The following TMEM39B variants were observed in gnomAD, a reference collection of about 807,000 sequenced individuals.
TMEM39B encodes the protein transmembrane protein 39B.
In TMEM39B, 23 loss-of-function variants were observed where a neutral mutation model predicts 52.2. That is an observed-to-expected ratio of 0.44 (90% CI 0.32 to 0.62). The LOEUF is 0.62. TMEM39B is among the 20% of genes least tolerant of loss of function. The pLI is 0.06. For missense variants in TMEM39B, 547 were observed against 642.0 expected, an observed-to-expected ratio of 0.85 and a Z score of 1.60; for synonymous variants, 285 against 264.0, an observed-to-expected ratio of 1.08 and a Z score of -0.77.
Position 32,073,043 on chromosome 1 carries a change from A to G in TMEM39B, c.-5A>G, listed in dbSNP as rs1441185475. On this transcript the variant is annotated 5_prime_UTR_variant, in exon 1 of 9. Coordinates refer to ENST00000336294, the MANE Select transcript of TMEM39B (RefSeq NM_018056.4). The stretch of plus-strand genomic sequence containing the variant: ...CGGCGAAGCGGAGAGCACCGGGGGG[A>G]GGAGATGGGTGAGCAGAGCGGCTCA... 6.6e-7 allele frequency: 1 copy of G among 1,518,744 alleles called. No individual in the cohort carries two copies. The allele number at this position is 1,518,744 out of a possible 1,614,324, so 94.1% of individuals were successfully genotyped here.
intron 5 of TMEM39B, among the ~76,000 whole-genome samples, chr1:32,078,793 A>G (rs1639970203): frequency 6.6e-6 from 1 of 151,976 alleles, no homozygotes; most frequent in Non-Finnish European, 1.5e-5. Flanking sequence ...GGTGCCCACC[A>G]CCACGCCTGG....
intron 5 of TMEM39B, among the ~76,000 whole-genome samples, chr1:32,082,788 T>G (rs1640161892): frequency 6.6e-6 from 1 of 151,198 alleles, no homozygotes; most frequent in Non-Finnish European, 1.5e-5. Flanking sequence ...TTTTTGTTTT[T>G]TTTTGAGACG....
intron 5 of TMEM39B, among the ~76,000 whole-genome samples, chr1:32,088,230 C>T (rs1376829465): frequency 6.7e-6 from 1 of 150,280 alleles, no homozygotes; most frequent in Admixed American, 6.7e-5. Context: ...TCTTGGCTAA[C>T]ATGGTGAAAC....
rs1640992577 is a variant in TMEM39B at position 32,100,761 on chromosome 1, C to T, written c.1236+199C>T. ...TGCAGCTCGGCCGGGCATGGTGGCT[C>T]ACGCCTGTAATCCCAGCACTTTGGG... On this transcript the variant is annotated intron_variant, in intron 8 of 8. Transcript: ENST00000336294. The T allele has an allele frequency of 7.5e-6, 5 of 670,174 alleles. No individual in the cohort carries two copies. The Middle Eastern group carries it at 7.6e-4, about 102-fold the overall frequency. The allele number at this position is 670,174 out of a possible 1,614,324, so 41.5% of individuals were successfully genotyped here.
chr1:32,075,104 C>A lies in TMEM39B; in HGVS notation c.131+27C>A, dbSNP rs767562643. ...TAAACCACCTCTCTGTCTCACCCCTCACTGTGGCCTCACAGGGACGATGTG... is the reference window on the plus strand; with the variant it reads ...TAAACCACCTCTCTGTCTCACCCCTAACTGTGGCCTCACAGGGACGATGTG... On this transcript the variant is annotated intron_variant, in intron 2 of 8. Transcript: ENST00000336294. 5 of 1,540,126 alleles carry A rather than the reference C, an allele frequency of 3.2e-6. No homozygotes were observed. In the African/African-American group the frequency reaches 6.9e-5, roughly 21 times the overall value.
chr1:32,095,837 G>A (rs1386108524), intron 7 of TMEM39B: 1 of 152,278 alleles, frequency 6.6e-6, no homozygotes, highest in Non-Finnish European at 1.5e-5. Context: ...ATGCATGTCA[G>A]TCAGGGTCCC....
chr1:32,076,224 G>A (rs1040072178), intron 3 of TMEM39B: 4 of 191,856 alleles, frequency 2.1e-5, no homozygotes, highest in African/African-American at 9.8e-5. Context: ...CGATTCTCCT[G>A]CCTCAGTCTC....
chr1:32,090,741 G>A (rs983116977), intron 5 of TMEM39B, among the ~76,000 whole-genome samples: 5 of 152,120 alleles, frequency 3.3e-5, no homozygotes, highest in African/African-American at 7.2e-5. Context: ...CCGGGTTCAC[G>A]CCATTCTCCT....
At chr1:32,083,616 G>A (rs969339709) in intron 5 of TMEM39B, among the ~76,000 whole-genome samples, 1 of 150,204 alleles carries the variant, frequency 6.7e-6, no homozygotes, top group African/African-American at 2.5e-5. Flanking sequence ...TAGAGACGGG[G>A]TTTCACCGTG....
At chr1:32,096,605 T>C (rs1327741284) in intron 7 of TMEM39B, among the ~76,000 whole-genome samples, 1 of 150,412 alleles carries the variant, frequency 6.6e-6, no homozygotes, top group Non-Finnish European at 1.5e-5. Flanking sequence ...GGATTACAGG[T>C]GTGCACCACC....
rs141157829 is a variant in TMEM39B at position 32,091,793 on chromosome 1, G to C, written c.709G>C (p.Asp237His). 24 of 1,614,220 alleles carry C rather than the reference G, an allele frequency of 1.5e-5. No homozygotes were observed. In the African/African-American group the frequency reaches 3.1e-4, roughly 21 times the overall value. ...EAVSGLAKSR[D>H]YLLTLRETWK... The stretch of plus-strand genomic sequence containing the variant: ...GGTCAGTGGCCTGGCAAAGAGCCGG[G>C]ACTACCTCCTGACACTGCGGGAGAC... The change falls in exon 6 of 9, where the codon GAC becomes CAC. Residue 237 changes from aspartate (D) to histidine (H), a missense_variant. Transcript: ENST00000336294.
intron 5 of TMEM39B, among the ~76,000 whole-genome samples, chr1:32,088,422 A>G (rs1640464758): frequency 3.3e-5 from 5 of 152,094 alleles, no homozygotes; most frequent in Admixed American, 3.3e-4. Context: ...GTCTCAAAAA[A>G]AATAAAAATA....
At chr1:32,084,950 G>A (rs933905450) in intron 5 of TMEM39B, among the ~76,000 whole-genome samples, 5 of 152,158 alleles carry the variant, frequency 3.3e-5, no homozygotes, top group African/African-American at 1.2e-4. Context: ...AGTGTTGCTA[G>A]TGAGAAGTCT....
At chr1:32,094,159 C>G (rs978693924) in intron 6 of TMEM39B, among the ~76,000 whole-genome samples, 1 of 96,816 alleles carries the variant, frequency 1.0e-5, no homozygotes, top group Non-Finnish European at 1.9e-5. Flanking sequence ...CGGAGTCTTG[C>G]TCTGTTGCCC....
Position 32,092,997 on chromosome 1 carries a change from A to G in TMEM39B, c.927+986A>G, listed in dbSNP as rs148382222. ...TTAGTAAGGAAGCCAGTGTTCATCCAGATTTGAGTGATCCCAAAAGCCTGT... is the reference window on the plus strand; with the variant it reads ...TTAGTAAGGAAGCCAGTGTTCATCCGGATTTGAGTGATCCCAAAAGCCTGT... On this transcript the variant is annotated intron_variant, in intron 6 of 8. Coordinates refer to ENST00000336294, the MANE Select transcript of TMEM39B (RefSeq NM_018056.4). 1.6e-4 allele frequency among the ~76,000 whole-genome samples: 24 copies of G among 152,354 alleles called. No homozygotes were observed. The East Asian group carries it at 4.4e-3, about 28-fold the overall frequency.
At chr1:32,098,422 C>T (rs1367392335) in intron 7 of TMEM39B, among the ~76,000 whole-genome samples, 1 of 151,938 alleles carries the variant, frequency 6.6e-6, no homozygotes, top group Admixed American at 6.6e-5. Flanking sequence ...CCTGGGAGAT[C>T]TCACAGGACA....
chr1:32,073,112 G>C (rs1639703331), intron 1 of TMEM39B, 61 bp downstream of exon 1: 1 of 1,392,588 alleles, frequency 7.2e-7, no homozygotes, highest in Non-Finnish European at 9.4e-7. Flanking sequence ...AGGATGGCCA[G>C]GCTGCTAATT....
upstream of TMEM39B, chr1:32,072,036 C>T (rs990544331): frequency 1.3e-5 from 2 of 152,194 alleles, no homozygotes; most frequent in African/African-American, 4.8e-5. Context: ...ACACCATTCC[C>T]ATCTAACATA....
rs760310886 is a variant in TMEM39B at position 32,077,270 on chromosome 1, A to G, written c.542A>G (p.His181Arg). Residue 181 changes from histidine (H) to arginine (R), a missense_variant, in exon 5 of 9, where the codon CAC becomes CGC. Transcript: ENST00000336294. ...TGWSLCRSLI[H>R]LFRTYSFLNL... ...TGGAGTCTGTGCCGATCCCTCATCCACCTCTTCAGGACCTACTCCTTCCTG... is the reference window on the plus strand; with the variant it reads ...TGGAGTCTGTGCCGATCCCTCATCCGCCTCTTCAGGACCTACTCCTTCCTG... 133 of 1,613,130 alleles carry G rather than the reference A, an allele frequency of 8.2e-5. No individual in the cohort carries two copies. The South Asian group carries it at 1.0e-3, about 12-fold the overall frequency.
Sources: allele counts gnomAD v4.1 joint callset (sites outside exome capture counted in the v4.1 genomes callset), GRCh38; gene constraint gnomAD v4.1.1; transcripts MANE v1.5; gene names NCBI Gene and HGNC (gene_info 2026-07-23, HGNC 2026-07-21).